The following CLSTN2 variants were observed in gnomAD, a reference collection of about 807,000 sequenced individuals.
The protein encoded by CLSTN2 is calsyntenin-2.
CLSTN2 carries 48 observed loss-of-function variants against 101.2 expected under a neutral mutation model. That is an observed-to-expected ratio of 0.47 (90% CI 0.38 to 0.60). The LOEUF (loss-of-function observed/expected upper bound fraction) is 0.60, where lower values mean the gene tolerates loss of function less well. Among genes scored for constraint, CLSTN2 ranks in the 20% least tolerant of loss-of-function variants. The pLI is 0.00. For synonymous variants in CLSTN2, 481 were observed against 463.6 expected (o/e 1.04, Z -0.48); for missense variants, 1,160 against 1,238.2 (o/e 0.94, Z 0.95).
At chr3:140,558,599 T>C (rs1935846148) in intron 11 of CLSTN2, 41 bp from the exon 12 acceptor site, 1 of 1,541,140 alleles carries the variant, frequency 6.5e-7, no homozygotes, top group East Asian at 2.3e-5. Context: ...GATGGTTTAA[T>C]TGTTTGCTCA....
At chr3:140,473,957 G>T (rs574740178) in intron 8 of CLSTN2, among the ~76,000 whole-genome samples, 1 of 151,944 alleles carries the variant, frequency 6.6e-6, no homozygotes, top group East Asian at 1.9e-4. Context: ...GTTTTTTTTA[G>T]TAGAGACAAG....
intron 2 of CLSTN2, among the ~76,000 whole-genome samples, chr3:140,203,461 GTTTTTTTT>G (rs58182333): frequency 4.4e-5 from 3 of 67,898 alleles, no homozygotes; most frequent in Non-Finnish European, 5.5e-5. Flanking sequence ...GAAAGTGTGG[GTTTTTTTT>G]TTTTTTTTTT....
In CLSTN2 at chr3:140,188,637, C is replaced by T. The variant is rs117860986; in HGVS notation, c.232+12564C>T. 1.5e-4 allele frequency among the ~76,000 whole-genome samples: 23 copies of T among 152,236 alleles called. No homozygotes were observed. In the East Asian group the frequency reaches 2.7e-3, roughly 18 times the overall value. On this transcript the variant is annotated intron_variant, in intron 2 of 16. Transcript: ENST00000458420. ...GGACTGTGGTGATTCAAAGAGGAGA[C>T]AGAGCAAGGAAAGAGACTGATGCTA... is the stretch of plus-strand genomic sequence containing the variant.
intron 1 of CLSTN2, among the ~76,000 whole-genome samples, chr3:140,096,385 C>G (rs2008870055): frequency 6.6e-6 from 1 of 152,196 alleles, no homozygotes; most frequent in Admixed American, 6.5e-5. Context: ...TAATATGTTA[C>G]ATCTCTCAAG....
intron 8 of CLSTN2, among the ~76,000 whole-genome samples, chr3:140,520,287 T>G (rs1934998487): frequency 6.6e-6 from 1 of 152,238 alleles, no homozygotes; most frequent in Non-Finnish European, 1.5e-5. Flanking sequence ...TTTCTCATGC[T>G]ACTATAATGA....
intron 1 of CLSTN2, among the ~76,000 whole-genome samples, chr3:140,068,604 T>C (rs2008339336): frequency 2.0e-5 from 3 of 152,254 alleles, no homozygotes; most frequent in Admixed American, 2.0e-4. Context: ...TGGGCAGGCA[T>C]CAGCTGGAAG....
chr3:140,175,158 C>T (rs2010304313), intron 1 of CLSTN2, among the ~76,000 whole-genome samples: 2 of 152,170 alleles, frequency 1.3e-5, no homozygotes, highest in South Asian at 4.1e-4. Context: ...AAGATTCTAT[C>T]TCCCAATAAT....
chr3:140,488,831 T>C (rs1015220637), intron 8 of CLSTN2, among the ~76,000 whole-genome samples: 2 of 151,812 alleles, frequency 1.3e-5, no homozygotes, highest in Admixed American at 1.3e-4. Context: ...AACAGCTGAT[T>C]CTGAGTTGGG....
chr3:140,085,809 G>A lies in CLSTN2; in HGVS notation c.110-90142G>A, dbSNP rs189732805. ...AGACTCCTGTGGATATAGAGCCTCA[G>A]AGAATGTTTTGAACTGTGATCTCAA... On this transcript the variant is annotated intron_variant, in intron 1 of 16. Transcript: ENST00000458420. 2.5e-3 allele frequency among the ~76,000 whole-genome samples: 384 copies of A among 152,296 alleles called. 1 individual carries two copies. Among genetic ancestry groups the A allele is most frequent in the African/African-American group, 9.0e-3 (372 of 41,562 alleles).
chr3:140,386,059 T>C (rs966524924), intron 2 of CLSTN2, among the ~76,000 whole-genome samples: 8 of 152,218 alleles, frequency 5.3e-5, no homozygotes, highest in African/African-American at 1.9e-4. Context: ...CCACCATTCA[T>C]GTTATCAATC....
chr3:140,238,333 G>A (rs1418565812), intron 2 of CLSTN2, among the ~76,000 whole-genome samples: 1 of 152,042 alleles, frequency 6.6e-6, no homozygotes, highest in Non-Finnish European at 1.5e-5. Context: ...AGAGATTATG[G>A]TTCACTCTCT....
intron 1 of CLSTN2, among the ~76,000 whole-genome samples, chr3:140,058,789 A>G (rs2008144587): frequency 6.6e-6 from 1 of 152,062 alleles, no homozygotes; most frequent in Non-Finnish European, 1.5e-5. Context: ...ACAAAAAAAA[A>G]AAAAGGTCAG....
In CLSTN2 at chr3:139,943,665, G is replaced by T. The variant is rs570870061; in HGVS notation, c.109+8182G>T. On this transcript the variant is annotated intron_variant, in intron 1 of 16. Coordinates refer to ENST00000458420, the MANE Select transcript of CLSTN2 (RefSeq NM_022131.3). ...ACATTCTGTAGTCACTTCCCCAGGG[G>T]TGCTATCACCATCTGGGGATGGGAG... 6.6e-5 allele frequency among the ~76,000 whole-genome samples: 10 copies of T among 152,236 alleles called. No individual in the cohort carries two copies. The South Asian group carries it at 1.7e-3, about 25-fold the overall frequency.
intron 1 of CLSTN2, among the ~76,000 whole-genome samples, chr3:140,072,676 A>G (rs2008416465): frequency 6.6e-6 from 1 of 152,246 alleles, no homozygotes; most frequent in Admixed American, 6.5e-5. Context: ...ATTCAGATCC[A>G]TGATTAATCA....
Position 139,969,003 on chromosome 3 carries a change from T to A in CLSTN2, c.109+33520T>A, listed in dbSNP as rs77295217. On this transcript the variant is annotated intron_variant, in intron 1 of 16. Transcript: ENST00000458420. ...AGAGCTTGGAAAAGTAAAGAGAACA[T>A]GCAGAGTATTAATAACATTATGGAG... Among the ~76,000 whole-genome samples the A allele has an allele frequency of 4.5e-4, 68 of 152,216 alleles. No homozygotes were observed. The East Asian group carries it at 0.013, about 29-fold the overall frequency.
At chr3:140,423,598 G>A (rs1224218940) in intron 5 of CLSTN2, among the ~76,000 whole-genome samples, 1 of 152,136 alleles carries the variant, frequency 6.6e-6, no homozygotes, top group Admixed American at 6.5e-5. Context: ...ATATGATGAG[G>A]TTTCTCTTCA....
intron 2 of CLSTN2, among the ~76,000 whole-genome samples, chr3:140,258,087 T>C (rs911563622): frequency 6.6e-6 from 1 of 152,200 alleles, no homozygotes; most frequent in Non-Finnish European, 1.5e-5. Context: ...TATTCTTTAA[T>C]GATTGAGCAT....
intron 2 of CLSTN2, among the ~76,000 whole-genome samples, chr3:140,391,750 TAGTC>T (rs1382752434): frequency 2.0e-5 from 3 of 152,134 alleles, no homozygotes; most frequent in East Asian, 1.9e-4. Flanking sequence ...CCTTAGCTGA[TAGTC>T]AGTCAGTGAA....
intron 1 of CLSTN2, among the ~76,000 whole-genome samples, chr3:140,022,259 T>A (rs192846909): frequency 2.0e-5 from 3 of 151,800 alleles, no homozygotes; most frequent in Non-Finnish European, 4.4e-5. Context: ...CTGGCTGGGG[T>A]GAGGAGGGAA....
Sources: gnomAD v4.1 joint callset for allele counts (sites outside exome capture counted in the v4.1 genomes callset) on GRCh38, gnomAD v4.1.1 for gene constraint, MANE v1.5 for transcripts, NCBI Gene and HGNC (gene_info 2026-07-23, HGNC 2026-07-21) for gene names.